The following GRIK2 variants were observed in gnomAD, a reference collection of about 807,000 sequenced individuals.
GRIK2 encodes the protein glutamate receptor ionotropic, kainate 2.
Under a neutral mutation model 100.3 loss-of-function variants are expected in GRIK2, and 32 were observed. The ratio of observed to expected loss-of-function variants is 0.32; its 90% CI spans 0.24 to 0.43. The LOEUF (loss-of-function observed/expected upper bound fraction) is 0.43. Ranked by LOEUF, GRIK2 falls within the 20% of genes least tolerant of loss-of-function variation. The pLI is 1.00. For missense variants in GRIK2, 843 were observed against 1,114.9 expected (o/e 0.76, Z 3.47); for synonymous variants, 417 against 389.4 (o/e 1.07, Z -0.83).
intron 2 of GRIK2, among the ~76,000 whole-genome samples, chr6:101,438,814 A>G (rs1769883341): frequency 6.6e-6 from 1 of 152,170 alleles, no homozygotes; most frequent in South Asian, 2.1e-4. Context: ...ATTGCCACAC[A>G]GATGACAATT....
intron 14 of GRIK2, among the ~76,000 whole-genome samples, chr6:102,001,076 G>C (rs1172012427): frequency 6.6e-6 from 1 of 151,842 alleles, no homozygotes; most frequent in Non-Finnish European, 1.5e-5. Context: ...TAAATAGTGA[G>C]TGAGTGAAAG....
At chr6:101,551,140 CT>C (rs1776491340) in intron 2 of GRIK2, among the ~76,000 whole-genome samples, 1 of 152,054 alleles carries the variant, frequency 6.6e-6, no homozygotes, top group South Asian at 2.1e-4. Context: ...TTCCTGAGAG[CT>C]TTTTTAGAAA....
intron 7 of GRIK2, among the ~76,000 whole-genome samples, chr6:101,746,089 G>C (rs190940122): frequency 1.2e-3 from 187 of 152,190 alleles, no homozygotes; most frequent in Non-Finnish European, 2.2e-3. Context: ...GCATTAAATT[G>C]CCAGCCAGCT....
chr6:101,553,559 T>C (rs1562221604), intron 2 of GRIK2, among the ~76,000 whole-genome samples: 1 of 152,194 alleles, frequency 6.6e-6, no homozygotes, highest in Admixed American at 6.5e-5. Flanking sequence ...TATAAAGTTA[T>C]AGCATAAATG....
intron 7 of GRIK2, among the ~76,000 whole-genome samples, chr6:101,718,948 G>C (rs1774258310): frequency 6.6e-6 from 1 of 151,836 alleles, no homozygotes; most frequent in East Asian, 1.9e-4. Context: ...AAAAGTTTCT[G>C]CAATTATTAA....
At chr6:101,440,069 A>G (rs181208272) in intron 2 of GRIK2, among the ~76,000 whole-genome samples, 33 of 152,296 alleles carry the variant, frequency 2.2e-4, no homozygotes, top group Admixed American at 6.5e-4. Context: ...AGTAAGTGCC[A>G]ATGGAAGACA....
chr6:101,987,830 A>C (rs138676535), intron 14 of GRIK2, among the ~76,000 whole-genome samples: 66 of 151,600 alleles, frequency 4.4e-4, no homozygotes, highest in African/African-American at 1.4e-3. Flanking sequence ...AACAGATTTA[A>C]ATTTTTTCAT....
At chr6:101,629,918 C>T (rs776693084) in intron 4 of GRIK2, among the ~76,000 whole-genome samples, 2 of 152,008 alleles carry the variant, frequency 1.3e-5, no homozygotes, top group Non-Finnish European at 2.9e-5. Flanking sequence ...GATTTATGTA[C>T]GTATGTACCA....
At chr6:101,826,976 A>C (rs1484192130) in intron 10 of GRIK2, among the ~76,000 whole-genome samples, 2 of 152,000 alleles carry the variant, frequency 1.3e-5, no homozygotes, top group Non-Finnish European at 2.9e-5. Flanking sequence ...TTTCCATAAG[A>C]CTCACTACAA....
At chr6:101,424,724 C>T (rs992930767) in intron 2 of GRIK2, among the ~76,000 whole-genome samples, 9 of 151,744 alleles carry the variant, frequency 5.9e-5, no homozygotes, top group Non-Finnish European at 8.8e-5. Context: ...CCTCTCCCCC[C>T]ACCCACAACA....
chr6:101,763,960 G>C (rs1416770668), intron 7 of GRIK2, among the ~76,000 whole-genome samples: 1 of 151,988 alleles, frequency 6.6e-6, no homozygotes, highest in South Asian at 2.1e-4. Context: ...TGTATTATCT[G>C]ATTTGACAAG....
intron 2 of GRIK2, among the ~76,000 whole-genome samples, chr6:101,554,053 T>C (rs2128293293): frequency 6.6e-6 from 1 of 152,330 alleles, no homozygotes; most frequent in East Asian, 1.9e-4. Context: ...CATGCTTCTA[T>C]ATGTGACCTG....
intron 13 of GRIK2, among the ~76,000 whole-genome samples, chr6:101,925,909 A>G (rs900877571): frequency 1.3e-5 from 2 of 152,028 alleles, no homozygotes; most frequent in African/African-American, 4.8e-5. Flanking sequence ...GTGAAAATAC[A>G]TAACTACATG....
chr6:101,511,269 A>T (rs1774298576), intron 2 of GRIK2, among the ~76,000 whole-genome samples: 1 of 152,198 alleles, frequency 6.6e-6, no homozygotes, highest in Non-Finnish European at 1.5e-5. Flanking sequence ...ACTGGATAAG[A>T]TTTACATGAC....
chr6:101,438,713 A>T (rs532172982), intron 2 of GRIK2, among the ~76,000 whole-genome samples: 1 of 152,170 alleles, frequency 6.6e-6, no homozygotes, highest in Middle Eastern at 3.2e-3. Context: ...TCAAAGTGAC[A>T]TGTCAAGTAT....
At chr6:101,635,390 A>T (rs1467860172) in intron 4 of GRIK2, among the ~76,000 whole-genome samples, 1 of 152,114 alleles carries the variant, frequency 6.6e-6, no homozygotes, top group Non-Finnish European at 1.5e-5. Flanking sequence ...AAGACCAAAA[A>T]CCCTAAAAAC....
intron 12 of GRIK2, among the ~76,000 whole-genome samples, chr6:101,905,865 A>G (rs191215178): frequency 1.8e-4 from 27 of 151,582 alleles, no homozygotes; most frequent in African/African-American, 6.5e-4. Context: ...AAAAAATGGA[A>G]TTTTTATTTA....
At chr6:101,985,196 A>G (rs531814131) in intron 14 of GRIK2, among the ~76,000 whole-genome samples, 64 of 151,876 alleles carry the variant, frequency 4.2e-4, no homozygotes, top group African/African-American at 1.4e-3. Context: ...ATGAAAAAAA[A>G]GTAGGCCAAA....
chr6:101,758,641 G>C (rs1184650163), intron 7 of GRIK2, among the ~76,000 whole-genome samples: 1 of 152,122 alleles, frequency 6.6e-6, no homozygotes, highest in Non-Finnish European at 1.5e-5. Context: ...TCATAAAACA[G>C]TAAAATTTAA....
Sources: allele counts gnomAD v4.1 joint callset (sites outside exome capture counted in the v4.1 genomes callset), GRCh38; gene constraint gnomAD v4.1.1; transcripts MANE v1.5; gene names NCBI Gene and HGNC (gene_info 2026-07-23, HGNC 2026-07-21).